Variants in CFAP210 observed in about 807,000 individuals in gnomAD.
CFAP210 encodes the protein cilia and flagella associated protein 210, also known as cilia- and flagella- associated protein 210.
the CFAP210 span, among the ~76,000 whole-genome samples, chr2:169,647,770 T>C: frequency 6.6e-6 from 1 of 152,212 alleles, no homozygotes; most frequent in Non-Finnish European, 1.5e-5. Context: ...ACTCATGGGA[T>C]GGAAGAAGAC....
the CFAP210 span, among the ~76,000 whole-genome samples, chr2:169,682,474 G>A: frequency 6.9e-6 from 1 of 145,972 alleles, no homozygotes; most frequent in Non-Finnish European, 1.5e-5. Context: ...CTCTGTTGTT[G>A]CCATTTTCTA....
the CFAP210 span, among the ~76,000 whole-genome samples, chr2:169,657,684 C>T: frequency 6.7e-6 from 1 of 149,994 alleles, no homozygotes; most frequent in Non-Finnish European, 1.5e-5. Flanking sequence ...CATGCCACTG[C>T]ACTCCAGCCA....
chr2:169,679,756 C>T, the CFAP210 span, among the ~76,000 whole-genome samples: 1 of 149,756 alleles, frequency 6.7e-6, no homozygotes, highest in Non-Finnish European at 1.5e-5. Flanking sequence ...TCAGCATTTA[C>T]CTCCCACCTA....
the CFAP210 span, among the ~76,000 whole-genome samples, chr2:169,681,642 C>T: frequency 3.9e-5 from 6 of 152,180 alleles, no homozygotes; most frequent in Non-Finnish European, 5.9e-5. Flanking sequence ...GGCACTATGA[C>T]TGACTCTACT....
chr2:169,652,473 G>A, the CFAP210 span, among the ~76,000 whole-genome samples: 70 of 152,164 alleles, frequency 4.6e-4, 1 homozygote, highest in African/African-American at 1.4e-3. Context: ...ATGGTGGTGC[G>A]CACCTTTAGT....
At chr2:169,657,027 G>T in the CFAP210 span, among the ~76,000 whole-genome samples, 1 of 149,248 alleles carries the variant, frequency 6.7e-6, no homozygotes, top group Non-Finnish European at 1.5e-5. Context: ...TGTCGAAGGT[G>T]TCTTAGTCCC....
chr2:169,654,061 T>C, the CFAP210 span: 4 of 1,602,298 alleles, frequency 2.5e-6, no homozygotes, highest in Non-Finnish European at 3.4e-6. Flanking sequence ...ATTATACACA[T>C]TATTAAAGCC....
the CFAP210 span, among the ~76,000 whole-genome samples, chr2:169,693,817 C>G: frequency 6.6e-6 from 1 of 152,044 alleles, no homozygotes; most frequent in Non-Finnish European, 1.5e-5. Context: ...TTAGTAAAGA[C>G]CAATCAGCAG....
chr2:169,681,099 C>G, the CFAP210 span: 2 of 1,613,934 alleles, frequency 1.2e-6, no homozygotes, highest in Non-Finnish European at 1.7e-6. Flanking sequence ...CATGCTGCTT[C>G]TCTTGTCAAC....
At chr2:169,646,064 A>G in the CFAP210 span, 16 of 1,613,806 alleles carry the variant, frequency 9.9e-6, no homozygotes, top group East Asian at 8.9e-5. Flanking sequence ...TTCAAGTTCA[A>G]TTACCTCTCT....
the CFAP210 span, among the ~76,000 whole-genome samples, chr2:169,675,803 T>C: frequency 6.6e-6 from 1 of 152,178 alleles, no homozygotes; most frequent in Non-Finnish European, 1.5e-5. Context: ...ACACAATAAA[T>C]ATATATCTCA....
At chr2:169,662,649 A>C in the CFAP210 span, among the ~76,000 whole-genome samples, 1 of 152,224 alleles carries the variant, frequency 6.6e-6, no homozygotes, top group African/African-American at 2.4e-5. Context: ...TTGCTTCAAA[A>C]TTTATTTCAT....
the CFAP210 span, among the ~76,000 whole-genome samples, chr2:169,654,986 A>G: frequency 6.6e-6 from 1 of 152,208 alleles, no homozygotes; most frequent in African/African-American, 2.4e-5. Flanking sequence ...GAAAAAACAG[A>G]TATGTATTCT....
the CFAP210 span, among the ~76,000 whole-genome samples, chr2:169,691,418 C>T: frequency 6.6e-6 from 1 of 152,068 alleles, no homozygotes; most frequent in South Asian, 2.1e-4. Flanking sequence ...AATCCAACAT[C>T]TGGGCTTACA....
chr2:169,689,142 A>G, the CFAP210 span, among the ~76,000 whole-genome samples: 1 of 152,188 alleles, frequency 6.6e-6, no homozygotes, highest in Non-Finnish European at 1.5e-5. Flanking sequence ...CACGGGAAAG[A>G]CTGGCCCCCA....
At chr2:169,666,092 T>C in the CFAP210 span, among the ~76,000 whole-genome samples, 1 of 152,120 alleles carries the variant, frequency 6.6e-6, no homozygotes, top group Non-Finnish European at 1.5e-5. Context: ...ACAGGTACTT[T>C]ACCTTCTCTA....
chr2:169,666,921 C>T, the CFAP210 span, among the ~76,000 whole-genome samples: 1 of 150,680 alleles, frequency 6.6e-6, no homozygotes, highest in African/African-American at 2.5e-5. Flanking sequence ...AGCTTCTCAT[C>T]CATTCAAGTT....
At chr2:169,688,527 T>A in the CFAP210 span, among the ~76,000 whole-genome samples, 4 of 152,336 alleles carry the variant, frequency 2.6e-5, no homozygotes, top group East Asian at 7.7e-4. Flanking sequence ...CTTGAATGCT[T>A]TGCTGCTTAG....
the CFAP210 span, among the ~76,000 whole-genome samples, chr2:169,663,495 C>T: frequency 6.6e-6 from 1 of 152,080 alleles, no homozygotes; most frequent in Non-Finnish European, 1.5e-5. Context: ...GCCAATGTAC[C>T]CAGCCAACCT....
Sources: allele counts gnomAD v4.1 joint callset (sites outside exome capture counted in the v4.1 genomes callset), GRCh38; gene constraint gnomAD v4.1.1; transcripts MANE v1.5; gene names NCBI Gene and HGNC (gene_info 2026-07-23, HGNC 2026-07-21).